The following SEL1L3 variants were observed in gnomAD, a reference collection of about 807,000 sequenced individuals.
SEL1L3 encodes the protein protein sel-1 homolog 3.
A neutral mutation model predicts 142.8 loss-of-function variants in SEL1L3; 76 were observed. The ratio of observed to expected loss-of-function variants is 0.53; its 90% CI spans 0.44 to 0.64. The LOEUF is 0.64. SEL1L3 is among the 30% of genes least tolerant of loss of function. The probability of loss-of-function intolerance (pLI) is 0.00; values close to 1 mark genes in which losing one functional copy is unlikely to be tolerated. For synonymous variants in SEL1L3, 504 were observed against 519.6 expected, an observed-to-expected ratio of 0.97 and a Z score of 0.41; for missense variants, 1,262 against 1,381.7, an observed-to-expected ratio of 0.91 and a Z score of 1.37.
chr4:25,840,356 C>T (rs1050237705), intron 2 of SEL1L3, among the ~76,000 whole-genome samples: 9 of 152,188 alleles, frequency 5.9e-5, no homozygotes, highest in African/African-American at 2.2e-4. Context: ...AAAGTACTAT[C>T]ATGACATTGA....
chr4:25,795,112 C>T (rs1712630419), intron 11 of SEL1L3, among the ~76,000 whole-genome samples: 1 of 152,070 alleles, frequency 6.6e-6, no homozygotes, highest in African/African-American at 2.4e-5. Context: ...TGGCTTAATA[C>T]TTAGATGATG....
At chr4:25,797,627 A>G (rs11734166) in intron 11 of SEL1L3, among the ~76,000 whole-genome samples, 17,476 of 152,210 alleles carry the variant, frequency 0.11, 1,222 homozygotes, top group South Asian at 0.27. Context: ...GGTACCTGCC[A>G]TCAAGAACGA....
intron 2 of SEL1L3, among the ~76,000 whole-genome samples, chr4:25,837,387 A>G (rs1039431087): frequency 3.4e-5 from 5 of 147,958 alleles, no homozygotes; most frequent in African/African-American, 1.0e-4. Flanking sequence ...ACCTGACTCC[A>G]ATTAAAAAAA....
intron 23 of SEL1L3, among the ~76,000 whole-genome samples, chr4:25,755,190 TCTC>T (rs1196199132): frequency 6.6e-6 from 1 of 152,042 alleles, no homozygotes; most frequent in African/African-American, 2.4e-5. Context: ...TGCAAAAAAT[TCTC>T]CTGCCTCAGC....
At chr4:25,821,804 A>T (rs536545092) in intron 7 of SEL1L3, among the ~76,000 whole-genome samples, 192 bp downstream of exon 7, 8 of 152,368 alleles carry the variant, frequency 5.3e-5, no homozygotes, top group African/African-American at 1.7e-4. Context: ...TATGAGTACT[A>T]AATGAACCAA....
downstream of SEL1L3, among the ~76,000 whole-genome samples, chr4:25,746,338 C>A (rs1461183640): frequency 6.6e-6 from 1 of 151,466 alleles, no homozygotes. Context: ...GGCAACATGG[C>A]AAAACACTGT....
the SEL1L3 span, among the ~76,000 whole-genome samples, chr4:25,716,363 T>C: frequency 6.6e-6 from 1 of 152,120 alleles, no homozygotes; most frequent in Non-Finnish European, 1.5e-5. Flanking sequence ...CATTCAAGTA[T>C]TGGTGAGGAT....
At chr4:25,796,767 G>GA (rs1198028288) in intron 11 of SEL1L3, among the ~76,000 whole-genome samples, 7 of 150,120 alleles carry the variant, frequency 4.7e-5, no homozygotes, top group African/African-American at 1.2e-4. Context: ...ACTCTATCTC[G>GA]AAAAAAACAA....
At chr4:25,714,658 A>G in the SEL1L3 span, among the ~76,000 whole-genome samples, 1 of 149,638 alleles carries the variant, frequency 6.7e-6, no homozygotes, top group African/African-American at 2.5e-5. Flanking sequence ...TGCAACCTCC[A>G]TCTTCTGGGT....
rs141137760 is a variant in SEL1L3, at chr4:25,816,037, A to C, written c.1564+2101T>G. ...CTTACCATGTGCTGATACTGTTCTA[A>C]GTATATTGTATATATATGAAATACT... On this transcript the variant is annotated intron_variant, in intron 9 of 23. Transcript: ENST00000399878. 2.6e-3 allele frequency among the ~76,000 whole-genome samples: 386 copies of C among 148,818 alleles called. 9 individuals are homozygous for C. In the East Asian group the frequency reaches 0.031, roughly 12 times the overall value.
intron 10 of SEL1L3, 22 bp from the exon 11 acceptor site, chr4:25,802,484 A>G (rs756246190): frequency 3.1e-6 from 5 of 1,595,774 alleles, no homozygotes; most frequent in Non-Finnish European, 4.3e-6. Context: ...AAATTGACAA[A>G]GCGTTCATGA....
At chr4:25,783,290 T>G (rs1711554922) in intron 14 of SEL1L3, among the ~76,000 whole-genome samples, 1 of 152,222 alleles carries the variant, frequency 6.6e-6, no homozygotes, top group African/African-American at 2.4e-5. Flanking sequence ...TCCCTCTTCC[T>G]GGGTCATGTG....
chr4:25,724,551 C>G, the SEL1L3 span, among the ~76,000 whole-genome samples: 1 of 151,586 alleles, frequency 6.6e-6, no homozygotes, highest in African/African-American at 2.4e-5. Flanking sequence ...ACTATCCTGG[C>G]TAACACAGTG....
chr4:25,751,935 C>T (rs1456871974), intron 23 of SEL1L3, among the ~76,000 whole-genome samples: 1 of 151,334 alleles, frequency 6.6e-6, no homozygotes, highest in Non-Finnish European at 1.5e-5. Context: ...ATGGTGAAAC[C>T]CTGTCTCTAC....
chr4:25,787,469 G>C (rs527345107), intron 13 of SEL1L3, among the ~76,000 whole-genome samples: 1 of 152,216 alleles, frequency 6.6e-6, no homozygotes, highest in East Asian at 1.9e-4. Context: ...TACAGGCACA[G>C]CCACCACACC....
At chr4:25,822,889 A>G (rs1436225161) in intron 6 of SEL1L3, among the ~76,000 whole-genome samples, 1 of 152,262 alleles carries the variant, frequency 6.6e-6, no homozygotes, top group Non-Finnish European at 1.5e-5. Context: ...TGGCCCATCA[A>G]TTTAGTGTAC....
chr4:25,768,778 T>C (rs936539488), intron 17 of SEL1L3, among the ~76,000 whole-genome samples: 1 of 151,938 alleles, frequency 6.6e-6, no homozygotes, highest in Non-Finnish European at 1.5e-5. Context: ...TTCAAAAACA[T>C]AGCAAAATAT....
chr4:25,821,083 C>T (rs1714721338), intron 7 of SEL1L3, among the ~76,000 whole-genome samples: 1 of 152,204 alleles, frequency 6.6e-6, no homozygotes, highest in Non-Finnish European at 1.5e-5. Flanking sequence ...TAAACCTATC[C>T]ATCTTGCTTG....
chr4:25,742,592 G>A (rs983742041), downstream of SEL1L3, among the ~76,000 whole-genome samples: 1 of 152,180 alleles, frequency 6.6e-6, no homozygotes, highest in African/African-American at 2.4e-5. Flanking sequence ...CACCGCACCC[G>A]GCCAAGGAGT....
Sources: allele counts gnomAD v4.1 joint callset (sites outside exome capture counted in the v4.1 genomes callset), GRCh38; gene constraint gnomAD v4.1.1; transcripts MANE v1.5; gene names NCBI Gene and HGNC (gene_info 2026-07-23, HGNC 2026-07-21).